The following HOMER2 variants were observed in gnomAD, a reference collection of about 807,000 sequenced individuals.
HOMER2 encodes homer scaffold protein 2, also known as homer protein homolog 2.
A neutral mutation model predicts 47.0 loss-of-function variants in HOMER2; 27 were observed. The ratio of observed to expected loss-of-function variants is 0.57; its 90% CI spans 0.42 to 0.79. The LOEUF (loss-of-function observed/expected upper bound fraction) is 0.79. Ranked by LOEUF, HOMER2 falls within the 30% of genes least tolerant of loss-of-function variation. The probability of loss-of-function intolerance (pLI) is 0.00; values close to 1 mark genes in which losing one functional copy is unlikely to be tolerated. For missense variants in HOMER2, 443 were observed against 435.0 expected (o/e 1.02, Z -0.16); for synonymous variants, 161 against 163.8 (o/e 0.98, Z 0.13).
intron 4 of HOMER2, among the ~76,000 whole-genome samples, chr15:82,863,602 C>A (rs2051864984): frequency 6.6e-6 from 1 of 152,180 alleles, no homozygotes; most frequent in African/African-American, 2.4e-5. Flanking sequence ...ACTTCCCCCA[C>A]CACCACATAT....
At chr15:82,896,932 C>T (rs1376541497) in intron 1 of HOMER2, among the ~76,000 whole-genome samples, 4 of 152,282 alleles carry the variant, frequency 2.6e-5, no homozygotes, top group South Asian at 2.1e-4. Flanking sequence ...CTGCTAGGCT[C>T]GCTCTCCACT....
intron 1 of HOMER2, among the ~76,000 whole-genome samples, chr15:82,933,085 G>T (rs2054055532): frequency 6.6e-6 from 1 of 151,774 alleles, no homozygotes; most frequent in Non-Finnish European, 1.5e-5. Context: ...TAAACAGGTG[G>T]TGCTAATCTC....
At chr15:82,964,069 T>G (rs1482157659) in intron 1 of HOMER2, among the ~76,000 whole-genome samples, 1 of 152,252 alleles carries the variant, frequency 6.6e-6, no homozygotes, top group African/African-American at 2.4e-5. Flanking sequence ...CATTAGATTC[T>G]ACCTTTAGAT....
intron 1 of HOMER2, among the ~76,000 whole-genome samples, chr15:82,896,076 GA>G (rs2052903895): frequency 6.6e-6 from 1 of 152,184 alleles, no homozygotes. Context: ...CACAGCTGTA[GA>G]GGGGGCTGGA....
intron 2 of HOMER2, among the ~76,000 whole-genome samples, chr15:82,884,624 T>C (rs1217256893): frequency 1.4e-4 from 9 of 62,354 alleles, no homozygotes; most frequent in Non-Finnish European, 2.2e-4. Flanking sequence ...CCCTTGTAAG[T>C]TGGATTCCTA....
rs1369033171 is a variant in HOMER2, at chr15:82,892,794, G to C, written c.53C>G (p.Pro18Arg). The C allele has an allele frequency of 5.6e-6, 9 of 1,605,344 alleles. No individual in the cohort carries two copies. Among genetic ancestry groups the C allele is most frequent in the Non-Finnish European group, 6.8e-6 (8 of 1,174,054 alleles). ...AGGCATCCAGTTCTTCTTGGTGTTGGGGTCAATCTGGAAGACATGCGCTCG... is the reference window on the plus strand; with the variant it reads ...AGGCATCCAGTTCTTCTTGGTGTTGCGGTCAATCTGGAAGACATGCGCTCG... ...TTRAHVFQID[P>R]NTKKNWMPAS... Residue 18 changes from proline to arginine, a missense_variant, in exon 2 of 9, where the codon CCC (proline) becomes CGC (arginine). Transcript: ENST00000450735.
intron 1 of HOMER2, among the ~76,000 whole-genome samples, chr15:82,946,204 C>T (rs971084614): frequency 6.6e-6 from 1 of 152,186 alleles, no homozygotes; most frequent in South Asian, 2.1e-4. Flanking sequence ...GCTCAGCGTC[C>T]CGCTTCAGCA....
At chr15:82,951,978 C>T (rs1167525530) in intron 1 of HOMER2, 1 of 818,580 alleles carries the variant, frequency 1.2e-6, no homozygotes, top group Non-Finnish European at 1.5e-6. Context: ...TCCTGAGCAT[C>T]TACTCAGTTG....
exon 2 of HOMER2, chr15:82,842,408 C>CCT (rs1358100816): frequency 6.6e-6 from 1 of 151,402 alleles, no homozygotes; most frequent in Non-Finnish European, 1.5e-5. Flanking sequence ...GGGTTCACTG[C>CCT]CTCAGCCTCC....
In HOMER2 at chr15:82,875,277, G is replaced by C. The variant is rs2052309960; in HGVS notation, c.290C>G (p.Thr97Arg). The C allele has an allele frequency of 6.2e-7, 1 of 1,613,300 alleles. No homozygotes were observed. The highest frequency in any genetic ancestry group is 1.7e-5 in the Admixed American group (1 of 59,998). Residue 97 changes from threonine to arginine, a missense_variant, in exon 3 of 9, where the codon ACA becomes AGA. Physicochemically the swap from Thr to Arg is moderately conservative, Grantham distance 71. Transcript: ENST00000450735. ...GLGFSSEQQL[T>R]KFAEKFQEVK... ...CTGTGGATAGGACCAAGTTACCTTT[G>C]TCAGCTGCTGCTCAGAGGAAAACCC...
At chr15:82,947,336 C>T (rs958285559) in intron 1 of HOMER2, among the ~76,000 whole-genome samples, 4 of 152,140 alleles carry the variant, frequency 2.6e-5, no homozygotes, top group South Asian at 2.1e-4. Flanking sequence ...GAAAGTAAAT[C>T]GGTATAGAGT....
Position 82,849,191 on chromosome 15 carries a change from C to G in HOMER2, c.*524G>C, listed in dbSNP as rs137932772. On this transcript the variant is annotated 3_prime_UTR_variant, in exon 9 of 9. Coordinates refer to ENST00000450735, the MANE Select transcript of HOMER2 (RefSeq NM_004839.4). ...AACTCCGGGCCAGAAAATGCACCCA[C>G]CAGAAGCTTGTTTTCCATCTCTCAG... 1.3e-5 allele frequency: 2 copies of G among 152,630 alleles called. No individual in the cohort carries two copies. The highest frequency in any genetic ancestry group is 4.8e-5 in the African/African-American group (2 of 41,416). 9.5% of individuals were successfully genotyped at this position (152,630 alleles called of 1,614,324 possible).
chr15:82,876,398 A>T (rs572176036), intron 2 of HOMER2, among the ~76,000 whole-genome samples: 1 of 152,384 alleles, frequency 6.6e-6, no homozygotes, highest in Non-Finnish European at 1.5e-5. Flanking sequence ...TACAAAGATG[A>T]ATGAGTCAAG....
chr15:82,903,529 A>G (rs2053194136), intron 1 of HOMER2, among the ~76,000 whole-genome samples: 1 of 152,132 alleles, frequency 6.6e-6, no homozygotes, highest in African/African-American at 2.4e-5. Context: ...AGGCAGGAGA[A>G]TCGCTTGAAC....
At chr15:82,982,393 G>A (rs1027060631) in intron 1 of HOMER2, among the ~76,000 whole-genome samples, 3 of 152,236 alleles carry the variant, frequency 2.0e-5, no homozygotes, top group East Asian at 3.9e-4. Flanking sequence ...ACATATCAGA[G>A]AATGAAAAGA....
Position 82,851,172 on chromosome 15 carries a change from T to C in HOMER2, c.822A>G (p.Glu274=). ...GTACCTCTAGCTTCTCAGAGACATA[T>C]TCGCACTCTGACATGAGCTGAGGTA... ...EIIPQLMSEC[E]YVSEKLEAAE... is the part of the protein sequence containing the mutation. Residue 274 remains glutamate (E), a synonymous_variant, in exon 8 of 9, where the codon GAA becomes GAG. Transcript: ENST00000450735. 1.3e-6 allele frequency: 2 copies of C among 1,580,046 alleles called. No individual in the cohort carries two copies. Among genetic ancestry groups the C allele is most frequent in the South Asian group, 1.2e-5 (1 of 86,122 alleles).
At chr15:82,844,383 C>T (rs1242452363), downstream of HOMER2, 5 of 152,124 alleles carry the variant, frequency 3.3e-5, no homozygotes, top group African/African-American at 9.7e-5. Context: ...TGGAAACAAC[C>T]TAAGTATCCA....
intron 3 of HOMER2, among the ~76,000 whole-genome samples, 152 bp downstream of exon 3, chr15:82,875,121 C>T (rs1480402196): frequency 2.0e-5 from 3 of 152,166 alleles, no homozygotes; most frequent in Non-Finnish European, 4.4e-5. Flanking sequence ...TCAAAAGGGC[C>T]TCTGCTTTGG....
chr15:82,872,848 G>A (rs1228167047), intron 3 of HOMER2, among the ~76,000 whole-genome samples: 1 of 152,220 alleles, frequency 6.6e-6, no homozygotes, highest in African/African-American at 2.4e-5. Context: ...GCATGAGGAG[G>A]AACCGGGAAG....
Sources: gnomAD v4.1 joint callset for allele counts (sites outside exome capture counted in the v4.1 genomes callset) on GRCh38, gnomAD v4.1.1 for gene constraint, MANE v1.5 for transcripts, NCBI Gene and HGNC (gene_info 2026-07-23, HGNC 2026-07-21) for gene names.